The following KCNK18 variants were observed in gnomAD, a reference collection of about 807,000 sequenced individuals.
The protein encoded by KCNK18 is potassium channel subfamily K member 18.
KCNK18 carries 8 observed loss-of-function variants against 11.8 expected under a neutral mutation model. The ratio of observed to expected loss-of-function variants is 0.68; its 90% CI spans 0.40 to 1.22. The LOEUF is 1.22. Ranked by LOEUF, KCNK18 falls within the 50% of genes most tolerant of loss-of-function variation. KCNK18 has a pLI of 0.01. For missense variants in KCNK18, 442 were observed against 465.4 expected, an observed-to-expected ratio of 0.95 and a Z score of 0.46; for synonymous variants, 208 against 185.8, an observed-to-expected ratio of 1.12 and a Z score of -0.97.
chr10:117,207,058 T>C (rs1855084824), intron 2 of KCNK18, among the ~76,000 whole-genome samples: 1 of 152,128 alleles, frequency 6.6e-6, no homozygotes. Flanking sequence ...AGACAGAGTC[T>C]CGCTCCGTTG....
chr10:117,209,570 C>T lies in KCNK18; in HGVS notation c.426C>T (p.Pro142=). The part of the protein sequence containing the change: ...LCMLYALFGI[P]LMFLVLTDTG... ...TGCTCTATGCTCTCTTTGGTATCCC[C>T]CTGATGTTCCTCGTTCTCACGGACA... Residue 142 remains proline (P), a synonymous_variant, in exon 3 of 3, where the codon CCC becomes CCT. Transcript: ENST00000334549. 1 of 1,614,144 alleles carries T rather than the reference C, an allele frequency of 6.2e-7. No homozygotes were observed. The highest frequency in any genetic ancestry group is 8.5e-7 in the Non-Finnish European group (1 of 1,180,036).
intron 2 of KCNK18, among the ~76,000 whole-genome samples, chr10:117,206,538 G>A (rs1564991507): frequency 6.6e-6 from 1 of 152,060 alleles, no homozygotes; most frequent in Non-Finnish European, 1.5e-5. Flanking sequence ...TATATTTGGG[G>A]GCTGTCATTT....
intron 2 of KCNK18, among the ~76,000 whole-genome samples, chr10:117,202,886 C>CTTTTTTTTTT (rs201850637): frequency 1.8e-4 from 22 of 123,000 alleles, no homozygotes; most frequent in African/African-American, 7.5e-4. Context: ...TGCCTGAATG[C>CTTTTTTTTTT]TTTTTTTTTT....
At chr10:117,204,882 C>T (rs1317095645) in intron 2 of KCNK18, among the ~76,000 whole-genome samples, 2 of 152,190 alleles carry the variant, frequency 1.3e-5, no homozygotes. Context: ...GGAGTCCAGG[C>T]TGTGAGTCAC....
At chr10:117,204,758 C>T (rs781506170) in intron 2 of KCNK18, among the ~76,000 whole-genome samples, 8 of 152,158 alleles carry the variant, frequency 5.3e-5, no homozygotes, top group Admixed American at 1.3e-4. Flanking sequence ...GTCAGAGTCA[C>T]CTGCAGAGCT....
chr10:117,201,651 A>G (rs568848452), intron 2 of KCNK18, among the ~76,000 whole-genome samples: 2 of 152,254 alleles, frequency 1.3e-5, no homozygotes, highest in East Asian at 3.9e-4. Context: ...TGCTGCCTCT[A>G]TGTATAACTT....
At chr10:117,197,848 G>A (rs945645731) in intron 1 of KCNK18, 137 bp downstream of exon 1, 48 of 726,908 alleles carry the variant, frequency 6.6e-5, no homozygotes, top group South Asian at 2.1e-4. Flanking sequence ...CACTTTAAGC[G>A]AGTAACTTCT....
chr10:117,199,574 T>C (rs911069274), intron 1 of KCNK18, among the ~76,000 whole-genome samples: 1 of 152,062 alleles, frequency 6.6e-6, no homozygotes, highest in Non-Finnish European at 1.5e-5. Flanking sequence ...CCTTGGGAGG[T>C]TAAGCAATTT....
rs954177406 is a variant in KCNK18 at position 117,210,082 on chromosome 10, C to G, written c.938C>G (p.Ala313Gly). ...GAGACACAGTTGGATTTCGAGAATG[C>G]CTTCTATTTCTGCTTTGTCACACTC... ...FWETQLDFEN[A>G]FYFCFVTLTT... The change falls in exon 3 of 3, where the codon GCC (alanine) becomes GGC (glycine). Residue 313 changes from alanine (A) to glycine (G), a missense_variant. Transcript: ENST00000334549. 6.2e-7 allele frequency: 1 copy of G among 1,614,014 alleles called. No homozygotes were observed. The highest frequency in any genetic ancestry group is 1.3e-5 in the African/African-American group (1 of 74,910).
Position 117,209,115 on chromosome 10 carries a change from T to C in KCNK18, c.353-382T>C, listed in dbSNP as rs1379360978. On this transcript the variant is annotated intron_variant, in intron 2 of 2. Coordinates refer to ENST00000334549, the MANE Select transcript of KCNK18 (RefSeq NM_181840.1). ...TTGGATATGATTACAAAGCCACCCATCCTCTCTCACTTGTACTCATCCTGT... is the reference window on the plus strand; with the variant it reads ...TTGGATATGATTACAAAGCCACCCACCCTCTCTCACTTGTACTCATCCTGT... Among the ~76,000 whole-genome samples the C allele has an allele frequency of 2.0e-5, 3 of 152,138 alleles. No individual in the cohort carries two copies. In the East Asian group the frequency reaches 5.8e-4, roughly 29 times the overall value.
At chr10:117,200,736 A>G (rs575222839) in intron 1 of KCNK18, among the ~76,000 whole-genome samples, 1 of 150,976 alleles carries the variant, frequency 6.6e-6, no homozygotes, top group African/African-American at 2.4e-5. Context: ...TGCTTGAACC[A>G]GGGAGGTGGA....
Position 117,197,635 on chromosome 10 carries a change from C to T in KCNK18, c.147C>T (p.Val49=). ...VVFSAIEDGQ[V]LVAADDGEFE... Reference sequence around the variant, plus strand: ...TCTCTGCCATTGAGGACGGCCAGGTCCTGGTGGCAGCAGATGATGGAGAGT... The same window carrying T: ...TCTCTGCCATTGAGGACGGCCAGGTTCTGGTGGCAGCAGATGATGGAGAGT... Residue 49 remains valine (V), a synonymous_variant, in exon 1 of 3, where the codon GTC becomes GTT. Transcript: ENST00000334549. The T allele has an allele frequency of 1.9e-6, 3 of 1,614,176 alleles. No individual in the cohort carries two copies. Among genetic ancestry groups the T allele is most frequent in the Non-Finnish European group, 2.5e-6 (3 of 1,180,026 alleles).
chr10:117,209,004 G>A (rs1459240605), intron 2 of KCNK18, among the ~76,000 whole-genome samples: 2 of 152,158 alleles, frequency 1.3e-5, no homozygotes, highest in East Asian at 3.9e-4. Flanking sequence ...GCCTCCCAAA[G>A]TGCTGGAATT....
chr10:117,206,339 A>T (rs1161882054), intron 2 of KCNK18, among the ~76,000 whole-genome samples: 13 of 152,014 alleles, frequency 8.6e-5, no homozygotes, highest in Non-Finnish European at 1.9e-4. Context: ...CTCTGAGGTC[A>T]TATTACCTCC....
At chr10:117,198,398 G>A (rs1183696768) in intron 1 of KCNK18, among the ~76,000 whole-genome samples, 4 of 152,042 alleles carry the variant, frequency 2.6e-5, no homozygotes, top group African/African-American at 7.2e-5. Context: ...GAGAGAAGGG[G>A]ACCCCCAATC....
At chr10:117,199,151 T>A (rs1390842070) in intron 1 of KCNK18, among the ~76,000 whole-genome samples, 3 of 152,128 alleles carry the variant, frequency 2.0e-5, no homozygotes, top group African/African-American at 7.2e-5. Flanking sequence ...AGACCCTGTC[T>A]CTATAAAAAA....
In KCNK18 at chr10:117,210,108, A is replaced by G; in HGVS notation, c.964A>G (p.Thr322Ala). ...CTTCTATTTCTGCTTTGTCACACTC[A>G]CCACCATTGGGTTTGGGGATACTGT... ...NAFYFCFVTL[T>A]TIGFGDTVLE... The change falls in exon 3 of 3, where the codon ACC (threonine) becomes GCC (alanine). Residue 322 changes from threonine (T) to alanine (A), a missense_variant. Thr to Ala is a moderately conservative substitution (Grantham distance 58, BLOSUM62 0). Transcript: ENST00000334549. The G allele has an allele frequency of 6.2e-7, 1 of 1,613,986 alleles. No homozygotes were observed. The highest frequency in any genetic ancestry group is 8.5e-7 in the Non-Finnish European group (1 of 1,179,992).
chr10:117,202,883 A>ATGTTT (rs1554948038), intron 2 of KCNK18, among the ~76,000 whole-genome samples: 1 of 49,832 alleles, frequency 2.0e-5, no homozygotes, highest in East Asian at 3.2e-4. Context: ...ATTTGCCTGA[A>ATGTTT]TGCTTTTTTT....
chr10:117,203,426 G>A (rs1002107002), intron 2 of KCNK18, among the ~76,000 whole-genome samples: 2 of 152,194 alleles, frequency 1.3e-5, no homozygotes, highest in African/African-American at 2.4e-5. Flanking sequence ...ACTTTCCAGG[G>A]GAACCCACAG....
Sources: gnomAD v4.1 joint callset for allele counts (sites outside exome capture counted in the v4.1 genomes callset) on GRCh38, gnomAD v4.1.1 for gene constraint, MANE v1.5 for transcripts, NCBI Gene and HGNC (gene_info 2026-07-23, HGNC 2026-07-21) for gene names.